ADAM7: variants seen among roughly 807,000 people sequenced by gnomAD.
ADAM7 encodes the protein disintegrin and metalloproteinase domain-containing protein 7.
In ADAM7, 97 loss-of-function variants were observed where a neutral mutation model predicts 102.9. That is an observed-to-expected ratio of 0.94 (90% CI 0.80 to 1.12). The LOEUF (loss-of-function observed/expected upper bound fraction) is 1.12, where lower values mean the gene tolerates loss of function less well. Ranked by LOEUF, ADAM7 falls within the 50% of genes most tolerant of loss-of-function variation. The probability of loss-of-function intolerance (pLI) is 0.00; values close to 1 mark genes in which losing one functional copy is unlikely to be tolerated. For synonymous variants in ADAM7, 334 were observed against 304.4 expected (o/e 1.10, Z -1.01); for missense variants, 991 against 908.7 (o/e 1.09, Z -1.16).
intron 16 of ADAM7, among the ~76,000 whole-genome samples, 186 bp downstream of exon 16, chr8:24,493,415 G>A (rs1820438653): frequency 6.6e-6 from 1 of 152,064 alleles, no homozygotes; most frequent in Non-Finnish European, 1.5e-5. Flanking sequence ...CCTAATTTTA[G>A]TCATGCCAAA....
chr8:24,503,377 C>T (rs1028283088), intron 20 of ADAM7, among the ~76,000 whole-genome samples: 3 of 152,122 alleles, frequency 2.0e-5, no homozygotes, highest in Admixed American at 6.6e-5. Context: ...CAGGTAACAA[C>T]AGATGCTAGA....
intron 3 of ADAM7, 47 bp from the exon 4 acceptor site, chr8:24,463,835 G>C: frequency 6.6e-7 from 1 of 1,517,328 alleles, no homozygotes; most frequent in Non-Finnish European, 9.1e-7. Flanking sequence ...TATCTGTCAG[G>C]TTTTTAGAAC....
chr8:24,470,000 G>C (rs561611465), intron 7 of ADAM7, among the ~76,000 whole-genome samples: 398 of 152,228 alleles, frequency 2.6e-3, no homozygotes, highest in Non-Finnish European at 4.5e-3. Context: ...GAATGGGAAT[G>C]ATTGGATGAC....
intron 16 of ADAM7, 66 bp downstream of exon 16, chr8:24,493,295 A>G: frequency 1.5e-6 from 2 of 1,371,084 alleles, no homozygotes; most frequent in Non-Finnish European, 9.7e-7. Context: ...ATTACTGGAT[A>G]CTGTAATTGC....
rs1017930409 is a variant in ADAM7 at position 24,447,767 on chromosome 8, C to T, written c.233+505C>T. Among the ~76,000 whole-genome samples, 8 of 152,018 alleles carry T rather than the reference C, an allele frequency of 5.3e-5. No homozygotes were observed. The East Asian group carries it at 5.8e-4, about 11-fold the overall frequency. ...TCTTCAAAAGAATGTCTATTGTTGC[C>T]GCTGTTTAAGTTTCATTGTTTTTCC... On this transcript the variant is annotated intron_variant, in intron 3 of 21. Coordinates refer to ENST00000175238, the MANE Select transcript of ADAM7 (RefSeq NM_003817.4).
chr8:24,491,582 C>T (rs1350071860), intron 13 of ADAM7, among the ~76,000 whole-genome samples: 1 of 152,064 alleles, frequency 6.6e-6, no homozygotes, highest in Non-Finnish European at 1.5e-5. Flanking sequence ...AGGGGGTAGG[C>T]AGGGTATGTA....
At chr8:24,476,379 C>T (rs1235255089) in intron 7 of ADAM7, 54 bp from the exon 8 acceptor site, 12 of 1,348,816 alleles carry the variant, frequency 8.9e-6, no homozygotes, top group Admixed American at 3.8e-5. Context: ...TTTTGTTGAG[C>T]TTTTATGCAA....
At chr8:24,508,239 T>C (rs1000907780) in intron 21 of ADAM7, among the ~76,000 whole-genome samples, 3 of 152,174 alleles carry the variant, frequency 2.0e-5, no homozygotes, top group African/African-American at 7.2e-5. Context: ...TCTAATGATC[T>C]TTCCACTCCA....
intron 16 of ADAM7, among the ~76,000 whole-genome samples, chr8:24,496,083 T>C (rs112108611): frequency 0.036 from 5,547 of 152,178 alleles, 342 homozygotes; most frequent in African/African-American, 0.13. Flanking sequence ...TGTGTGCAGT[T>C]TAGGGACTTG....
Position 24,508,844 on chromosome 8 carries a change from T to C in ADAM7, c.*298T>C, listed in dbSNP as rs1821033785. 4.1e-6 allele frequency: 5 copies of C among 1,209,070 alleles called. No homozygotes were observed. The highest frequency in any genetic ancestry group is 5.1e-6 in the Non-Finnish European group (5 of 972,776). 74.9% of individuals were successfully genotyped at this position (1,209,070 alleles called of 1,614,324 possible). A position where few individuals can be genotyped will look rare whatever the true frequency, so the allele number is the denominator to read the frequency against. The stretch of plus-strand genomic sequence containing the variant: ...CTTGCTGTAGTATTTTCCTACAAAA[T>C]GTTACTCTGCTTTCTTTTAAGAATC... On this transcript the variant is annotated 3_prime_UTR_variant, in exon 22 of 22. Coordinates refer to ENST00000175238, the MANE Select transcript of ADAM7 (RefSeq NM_003817.4).
intron 13 of ADAM7, among the ~76,000 whole-genome samples, chr8:24,491,376 C>A (rs1393648063): frequency 6.6e-6 from 1 of 152,194 alleles, no homozygotes; most frequent in Non-Finnish European, 1.5e-5. Context: ...ACAAACATAT[C>A]TTATGCATCT....
chr8:24,491,622 G>A (rs1775762226), intron 13 of ADAM7, among the ~76,000 whole-genome samples: 1 of 152,116 alleles, frequency 6.6e-6, no homozygotes, highest in South Asian at 2.1e-4. Flanking sequence ...GAAAAGACAA[G>A]ATAAATGAGA....
At position 24,508,611 on chromosome 8, in the gene ADAM7, T is replaced by C; in HGVS notation, c.*65T>C. The C allele has an allele frequency of 6.2e-7, 1 of 1,612,110 alleles. No individual in the cohort carries two copies. Among genetic ancestry groups the C allele is most frequent in the Non-Finnish European group, 8.5e-7 (1 of 1,178,878 alleles). ...GCTGGGGATTCTGGATGCAACGTCT[T>C]TACAACCTTACCTAGATATCTGCTA... is the stretch of plus-strand genomic sequence containing the variant. On this transcript the variant is annotated 3_prime_UTR_variant, in exon 22 of 22. Coordinates refer to ENST00000175238, the MANE Select transcript of ADAM7 (RefSeq NM_003817.4).
intron 20 of ADAM7, among the ~76,000 whole-genome samples, chr8:24,505,097 T>C (rs528773151): frequency 1.3e-4 from 20 of 152,192 alleles, no homozygotes; most frequent in Non-Finnish European, 1.9e-4. Flanking sequence ...GTGATTGGTA[T>C]ACACTTAGCA....
rs917248400 is a variant in ADAM7 at position 24,485,745 on chromosome 8, C to A, written c.960+384C>A. 9.2e-5 allele frequency among the ~76,000 whole-genome samples: 14 copies of A among 152,204 alleles called. No homozygotes were observed. The East Asian group carries it at 2.7e-3, about 29-fold the overall frequency. ...GATAATAAGGCACATAAACCACTTC[C>A]TATATCATATCAAGACAACCTTTCA... On this transcript the variant is annotated intron_variant, in intron 10 of 21. Transcript: ENST00000175238.
intron 20 of ADAM7, 108 bp downstream of exon 20, chr8:24,501,684 G>C (rs578187895): frequency 1.4e-6 from 1 of 727,962 alleles, no homozygotes; most frequent in African/African-American, 1.8e-5. Context: ...GGGAAGTGCA[G>C]AGGAGCAATT....
Position 24,465,768 on chromosome 8 carries a change from G to A in ADAM7, c.382G>A (p.Gly128Ser). The change falls in exon 5 of 22, where the codon GGT (glycine) becomes AGT (serine). Residue 128 changes from glycine (G) to serine (S), a missense_variant. Coordinates refer to ENST00000175238, the MANE Select transcript of ADAM7 (RefSeq NM_003817.4). ...AGCTGCCAGTATCAGTACGTGTAATGGTCTAAGGTAATGCAGAATATCTTT... is the reference window on the plus strand; with the variant it reads ...AGCTGCCAGTATCAGTACGTGTAATAGTCTAAGGTAATGCAGAATATCTTT... ...DSAASISTCNGLRGFFRINDQ... is the reference protein window; with the variant it reads ...DSAASISTCNSLRGFFRINDQ... 6.3e-7 allele frequency: 1 copy of A among 1,598,794 alleles called. No homozygotes were observed. Among genetic ancestry groups the A allele is most frequent in the African/African-American group, 1.3e-5 (1 of 74,442 alleles).
chr8:24,478,122 A>G (rs1326522620), intron 8 of ADAM7, among the ~76,000 whole-genome samples: 1 of 152,198 alleles, frequency 6.6e-6, no homozygotes, highest in Non-Finnish European at 1.5e-5. Context: ...TGGGTACAAC[A>G]TAACTGGATT....
intron 20 of ADAM7, among the ~76,000 whole-genome samples, chr8:24,502,408 A>G (rs767637319): frequency 2.0e-5 from 3 of 152,032 alleles, no homozygotes. Flanking sequence ...AAAAAAAGAA[A>G]AAGTAAATAT....
Sources: gnomAD v4.1 joint callset for allele counts (sites outside exome capture counted in the v4.1 genomes callset) on GRCh38, gnomAD v4.1.1 for gene constraint, MANE v1.5 for transcripts, NCBI Gene and HGNC (gene_info 2026-07-23, HGNC 2026-07-21) for gene names.